CASP4: variants seen among roughly 807,000 people sequenced by gnomAD.
CASP4 encodes the protein caspase-4.
In CASP4, 29 loss-of-function variants were observed where a neutral mutation model predicts 41.3. That is an observed-to-expected ratio of 0.70 (90% CI 0.52 to 0.96). CASP4 has a LOEUF of 0.96. Among genes scored for constraint, CASP4 ranks in the 40% least tolerant of loss-of-function variants. The pLI is 0.00. For synonymous variants in CASP4, 185 were observed against 158.4 expected (o/e 1.17, Z -1.26); for missense variants, 447 against 460.6 (o/e 0.97, Z 0.27).
intron 5 of CASP4, chr11:104,949,115 T>A: frequency 3.7e-6 from 1 of 271,154 alleles, no homozygotes; most frequent in East Asian, 8.8e-5. Flanking sequence ...AGTCCCCTGA[T>A]CTCTTTACTA....
rs758747021 is a variant in CASP4 at position 104,952,005 on chromosome 11, G to A, written c.263C>T (p.Ala88Val). The change falls in exon 3 of 9, where the codon GCT (alanine) becomes GTT (valine). Residue 88 changes from alanine to valine, a missense_variant and splice_region_variant. Physicochemically the swap from Ala to Val is moderately conservative, Grantham distance 64. Coordinates refer to ENST00000444739, the MANE Select transcript of CASP4 (RefSeq NM_001225.4). ...NIDQISPNKK[A>V]HPNMEAGPPE... ...TGGTCCAGCCTCCATATTCGGATGAGCTGCAGGATATTGCAGAACATAAAT... is the reference window on the plus strand; with the variant it reads ...TGGTCCAGCCTCCATATTCGGATGAACTGCAGGATATTGCAGAACATAAAT... 1 of 1,585,792 alleles carries A rather than the reference G, an allele frequency of 6.3e-7. No individual in the cohort carries two copies. The highest frequency in any genetic ancestry group is 1.3e-5 in the African/African-American group (1 of 74,478).
intron 5 of CASP4, 32 bp from the exon 6 acceptor site, chr11:104,948,708 G>C: frequency 6.5e-7 from 1 of 1,543,574 alleles, no homozygotes; most frequent in Non-Finnish European, 8.8e-7. Flanking sequence ...GCACACTGCT[G>C]TGCCTCCCAC....
At chr11:104,946,265 C>T (rs1327266334) in intron 7 of CASP4, among the ~76,000 whole-genome samples, 2 of 152,136 alleles carry the variant, frequency 1.3e-5, no homozygotes, top group African/African-American at 4.8e-5. Flanking sequence ...ATACCAATCC[C>T]ATTTTCTCTT....
intron 2 of CASP4, among the ~76,000 whole-genome samples, chr11:104,953,311 G>T (rs1020663396): frequency 5.3e-5 from 8 of 152,052 alleles, no homozygotes; most frequent in African/African-American, 1.9e-4. Context: ...AGGGGTTGCC[G>T]CTGCCTTATT....
At chr11:104,963,695 AC>A (rs2134659168) in intron 1 of CASP4, among the ~76,000 whole-genome samples, 1 of 152,292 alleles carries the variant, frequency 6.6e-6, no homozygotes, top group African/African-American at 2.4e-5. Context: ...GAGAGATGAG[AC>A]TTCCATGGGG....
chr11:104,959,922 A>G (rs978821344), intron 1 of CASP4, among the ~76,000 whole-genome samples: 1 of 152,196 alleles, frequency 6.6e-6, no homozygotes, highest in African/African-American at 2.4e-5. Flanking sequence ...AAATAAATTC[A>G]TAAGAACTTT....
intron 1 of CASP4, among the ~76,000 whole-genome samples, chr11:104,961,644 A>G (rs1860862506): frequency 6.6e-6 from 1 of 152,202 alleles, no homozygotes; most frequent in African/African-American, 2.4e-5. Context: ...AATCAGGACA[A>G]TTTTGAGATT....
At chr11:104,961,489 T>A (rs1860858003) in intron 1 of CASP4, among the ~76,000 whole-genome samples, 3 of 151,860 alleles carry the variant, frequency 2.0e-5, no homozygotes, top group South Asian at 2.1e-4. Context: ...TATGATGGGG[T>A]GTCTGTAGCC....
chr11:104,947,062 A>T, intron 7 of CASP4, 21 bp downstream of exon 7: 2 of 1,430,678 alleles, frequency 1.4e-6, no homozygotes, highest in South Asian at 2.3e-5. Flanking sequence ...ATAAATGAGT[A>T]ACTAGAAAAG....
chr11:104,944,289 C>G (rs994539375), intron 8 of CASP4: 2 of 160,856 alleles, frequency 1.2e-5, no homozygotes, highest in Non-Finnish European at 2.8e-5. Flanking sequence ...CCAGAGTTAG[C>G]TCCTTTGTTT....
intron 1 of CASP4, among the ~76,000 whole-genome samples, chr11:104,967,051 G>A (rs1860990460): frequency 6.6e-6 from 1 of 152,138 alleles, no homozygotes; most frequent in South Asian, 2.1e-4. Flanking sequence ...AAAAATGGCA[G>A]GAATCAATTA....
chr11:104,966,707 C>T (rs1326333600), intron 1 of CASP4, among the ~76,000 whole-genome samples: 1 of 152,034 alleles, frequency 6.6e-6, no homozygotes, highest in East Asian at 1.9e-4. Context: ...AAATGTGAGG[C>T]CAGGACTGAA....
intron 4 of CASP4, 69 bp from the exon 5 acceptor site, chr11:104,949,846 A>G (rs1375616183): frequency 2.1e-6 from 3 of 1,459,212 alleles, no homozygotes; most frequent in African/African-American, 2.8e-5. Flanking sequence ...TAGATTTACC[A>G]TGAGCGAAAC....
chr11:104,955,080 A>C, intron 1 of CASP4, 79 bp from the exon 2 acceptor site: 2 of 1,378,214 alleles, frequency 1.5e-6, no homozygotes, highest in Non-Finnish European at 2.0e-6. Context: ...TAGTTCTATA[A>C]TGTGAAATAC....
intron 1 of CASP4, among the ~76,000 whole-genome samples, chr11:104,966,267 T>C (rs1860972984): frequency 6.6e-6 from 1 of 152,060 alleles, no homozygotes; most frequent in African/African-American, 2.4e-5. Flanking sequence ...TAGATGATAG[T>C]TGCATGTTGG....
intron 1 of CASP4, among the ~76,000 whole-genome samples, chr11:104,956,390 CTCA>C (rs1475396947): frequency 4.0e-5 from 6 of 151,860 alleles, no homozygotes; most frequent in Non-Finnish European, 8.8e-5. Context: ...TCATTGAGCC[CTCA>C]TCATGCCAAG....
At chr11:104,943,114 A>G (rs1860365302) in intron 8 of CASP4, 141 bp from the exon 9 acceptor site, 2 of 372,526 alleles carry the variant, frequency 5.4e-6, no homozygotes, top group African/African-American at 2.1e-5. Flanking sequence ...ATCTTAGTCT[A>G]TTCACCAAAA....
rs1860557261 is a variant in CASP4 at position 104,949,682 on chromosome 11, C to T, written c.642G>A (p.Glu214=). ...CATCATGCACAGTTCCGCAGATTCC[C>T]TCCAGGATGCCATGAGACATGAGTA... is the stretch of plus-strand genomic sequence containing the variant. ...FLVLMSHGIL[E]GICGTVHDEK... The change falls in exon 5 of 9, where the codon GAG becomes GAA. Residue 214 remains glutamate, a synonymous_variant. Coordinates refer to ENST00000444739, the MANE Select transcript of CASP4 (RefSeq NM_001225.4). The T allele has an allele frequency of 1.9e-6, 3 of 1,613,946 alleles. 1 individual carries two copies. The South Asian group carries it at 3.3e-5, about 18-fold the overall frequency.
rs1270318783 is a variant in CASP4 at position 104,951,153 on chromosome 11, C to T, written c.373-55G>A. 3 of 1,510,398 alleles carry T rather than the reference C, an allele frequency of 2.0e-6. No homozygotes were observed. In the African/African-American group the frequency reaches 4.1e-5, roughly 21 times the overall value. The allele number at this position is 1,510,398 out of a possible 1,614,324, so 93.6% of individuals were successfully genotyped here. On this transcript the variant is annotated intron_variant, in intron 3 of 8. Coordinates refer to ENST00000444739, the MANE Select transcript of CASP4 (RefSeq NM_001225.4). ...ATTTACTCAAGTCTCCTTTCAGCCT[C>T]CTTATGCCTATCAGTGTTGCTTTTT... is the stretch of plus-strand genomic sequence containing the variant.
Sources: allele counts gnomAD v4.1 joint callset (sites outside exome capture counted in the v4.1 genomes callset), GRCh38; gene constraint gnomAD v4.1.1; transcripts MANE v1.5; gene names NCBI Gene and HGNC (gene_info 2026-07-23, HGNC 2026-07-21).